TRDN: variants seen among roughly 807,000 people sequenced by gnomAD.
TRDN encodes triadin.
Under a neutral mutation model 149.7 loss-of-function variants are expected in TRDN, and 161 were observed. The ratio of observed to expected loss-of-function variants is 1.08; its 90% confidence interval spans 0.95 to 1.23. TRDN has a LOEUF of 1.23. Ranked by LOEUF, TRDN falls within the 50% of genes most tolerant of loss-of-function variation. The probability of loss-of-function intolerance (pLI) is 0.00; values close to 1 mark genes in which losing one functional copy is unlikely to be tolerated. For synonymous variants in TRDN, 294 were observed against 250.5 expected (o/e 1.17, Z -1.64); for missense variants, 896 against 823.5 (o/e 1.09, Z -1.08).
rs1583325014 is a variant in TRDN at position 123,614,216 on chromosome 6, T to C, written c.22+22538A>G. Among the ~76,000 whole-genome samples, 3 of 144,698 alleles carry C rather than the reference T, an allele frequency of 2.1e-5. No homozygotes were observed. The South Asian group carries it at 6.6e-4, about 32-fold the overall frequency. 94.9% of individuals were successfully genotyped at this position (144,698 alleles called of 152,430 possible). ...TGGGAGGCATGGCTGTAGGTATGTA[T>C]AAATCACTTCCTGCTTTAAACTCCC... On this transcript the variant is annotated intron_variant, in intron 1 of 40. Coordinates refer to ENST00000334268, the MANE Select transcript of TRDN (RefSeq NM_006073.4).
In TRDN at chr6:123,366,177, C is replaced by G. The variant is rs759020902; in HGVS notation, c.1279G>C (p.Glu427Gln). 4 of 1,612,726 alleles carry G rather than the reference C, an allele frequency of 2.5e-6. No individual in the cohort carries two copies. Among genetic ancestry groups the G allele is most frequent in the Non-Finnish European group, 3.4e-6 (4 of 1,179,218 alleles). Reference sequence around the variant, plus strand: ...GCACCAATCTCCTCTTTGGCTCGTTCAGTTTCTGCAAGTTCAGATATTAAA... The same window carrying G: ...GCACCAATCTCCTCTTTGGCTCGTTGAGTTTCTGCAAGTTCAGATATTAAA... ...PSDKQVKAKT[E>Q]RAKEEIGAVS... The change falls in exon 20 of 41, where the codon GAA becomes CAA. Residue 427 changes from glutamate (E) to glutamine (Q), a missense_variant. Coordinates refer to ENST00000334268, the MANE Select transcript of TRDN (RefSeq NM_006073.4).
At chr6:123,226,728 T>C (rs1467804479) in intron 38 of TRDN, among the ~76,000 whole-genome samples, 3 of 151,866 alleles carry the variant, frequency 2.0e-5, no homozygotes, top group Non-Finnish European at 4.4e-5. Flanking sequence ...GCACTTACTG[T>C]CTACTTATTC....
chr6:123,259,801 T>C (rs750163540), intron 34 of TRDN, 139 bp from the exon 35 acceptor site: 40 of 612,282 alleles, frequency 6.5e-5, no homozygotes, highest in Non-Finnish European at 9.4e-5. Context: ...ATTTTTGTTA[T>C]GCTTGGTCAT....
intron 7 of TRDN, among the ~76,000 whole-genome samples, chr6:123,507,926 TTC>T (rs1054155346): frequency 1.3e-5 from 2 of 152,090 alleles, no homozygotes; most frequent in Non-Finnish European, 2.9e-5. Flanking sequence ...ATAACAAATT[TTC>T]TCTCTCATTC....
At chr6:123,559,552 A>G (rs566614096) in intron 2 of TRDN, among the ~76,000 whole-genome samples, 184 of 152,176 alleles carry the variant, frequency 1.2e-3, no homozygotes, top group African/African-American at 4.0e-3. Flanking sequence ...CCTCCTTGGC[A>G]ACCGATCATG....
chr6:123,381,332 AAAAAAAGTACACAAATACACTG>A lies in TRDN; in HGVS notation c.1186+16_1186+37del, dbSNP rs1781712679. On this transcript the variant is annotated intron_variant, in intron 16 of 40. Transcript: ENST00000334268. ...GCAGCAGGCAAATAATAGTAGTAAA[AAAAAAAGTACACAAATACACTG>A]CATGCATTTCCTTACTTTTTCCCTT... The A allele has an allele frequency of 6.5e-7, 1 of 1,542,362 alleles. No individual in the cohort carries two copies. Among genetic ancestry groups the A allele is most frequent in the East Asian group, 2.4e-5 (1 of 41,064 alleles).
chr6:123,446,584 C>CA (rs572029827), intron 10 of TRDN, among the ~76,000 whole-genome samples: 10,592 of 60,768 alleles, frequency 0.17, 1,557 homozygotes, highest in East Asian at 0.67. Flanking sequence ...GATTCCATCT[C>CA]AAAAAAAAAA....
chr6:123,379,149 A>G (rs1309035278), intron 16 of TRDN, among the ~76,000 whole-genome samples: 1 of 152,196 alleles, frequency 6.6e-6, no homozygotes, highest in East Asian at 1.9e-4. Context: ...TGAAGACTAG[A>G]ATATGTTCAT....
At chr6:123,456,092 T>C (rs1776102490) in intron 10 of TRDN, among the ~76,000 whole-genome samples, 1 of 152,186 alleles carries the variant, frequency 6.6e-6, no homozygotes, top group Non-Finnish European at 1.5e-5. Context: ...CTTGATTTAT[T>C]AAATAAATTA....
chr6:123,344,867 C>T (rs148682788), intron 21 of TRDN, among the ~76,000 whole-genome samples: 91 of 152,130 alleles, frequency 6.0e-4, no homozygotes, highest in Middle Eastern at 3.4e-3. Context: ...TGTCTTTTTG[C>T]ATTTCCACAA....
intron 24 of TRDN, among the ~76,000 whole-genome samples, chr6:123,315,350 T>C (rs767913705): frequency 4.6e-5 from 7 of 151,974 alleles, no homozygotes; most frequent in Non-Finnish European, 8.8e-5. Flanking sequence ...GTTCAACTTT[T>C]CATTGATCTT....
At chr6:123,315,458 G>A (rs1778989137) in intron 24 of TRDN, among the ~76,000 whole-genome samples, 1 of 151,674 alleles carries the variant, frequency 6.6e-6, no homozygotes. Context: ...TGATCTGATG[G>A]CAATGCTCTT....
At chr6:123,417,054 T>A (rs1773687357) in intron 12 of TRDN, among the ~76,000 whole-genome samples, 1 of 152,246 alleles carries the variant, frequency 6.6e-6, no homozygotes, top group Middle Eastern at 3.4e-3. Context: ...AAGGACTCAA[T>A]AAGTGAACAA....
chr6:123,551,223 T>TA (rs1311778479), intron 2 of TRDN, among the ~76,000 whole-genome samples: 4 of 137,570 alleles, frequency 2.9e-5, no homozygotes, highest in Admixed American at 7.4e-5. Flanking sequence ...TATATATATA[T>TA]TGCCTGGTTC....
chr6:123,551,342 T>TATATATAC (rs1554256527), intron 2 of TRDN, among the ~76,000 whole-genome samples: 1 of 141,102 alleles, frequency 7.1e-6, no homozygotes, highest in African/African-American at 2.7e-5. Flanking sequence ...AAAACCTAAA[T>TATATATAC]ACACACACAC....
At chr6:123,458,831 G>C (rs1776278923) in intron 10 of TRDN, among the ~76,000 whole-genome samples, 1 of 151,662 alleles carries the variant, frequency 6.6e-6, no homozygotes, top group African/African-American at 2.4e-5. Flanking sequence ...AAATTGATGA[G>C]TATTATCAGA....
At chr6:123,499,361 C>T (rs571046591) in intron 8 of TRDN, among the ~76,000 whole-genome samples, 12 of 152,114 alleles carry the variant, frequency 7.9e-5, no homozygotes, top group Admixed American at 4.6e-4. Context: ...AACTTTTCAG[C>T]TTGTATGTTG....
At chr6:123,448,911 C>A (rs1344247070) in intron 10 of TRDN, among the ~76,000 whole-genome samples, 3 of 152,152 alleles carry the variant, frequency 2.0e-5, no homozygotes, top group Non-Finnish European at 4.4e-5. Context: ...GTGCAGACAA[C>A]CCCAGTACCA....
chr6:123,344,544 A>C (rs775992008), intron 21 of TRDN, among the ~76,000 whole-genome samples: 1 of 151,982 alleles, frequency 6.6e-6, no homozygotes, highest in African/African-American at 2.4e-5. Context: ...GACTCTTCAC[A>C]TTGGCATATT....
Sources: gnomAD v4.1 joint callset for allele counts (sites outside exome capture counted in the v4.1 genomes callset) on GRCh38, gnomAD v4.1.1 for gene constraint, MANE v1.5 for transcripts, NCBI Gene and HGNC (gene_info 2026-07-23, HGNC 2026-07-21) for gene names.